MED24: variants seen among roughly 807,000 people sequenced by gnomAD.
The protein encoded by MED24 is mediator complex subunit 24.
Under a neutral mutation model 118.8 loss-of-function variants are expected in MED24, and 74 were observed. That is an observed-to-expected ratio of 0.62 (90% CI 0.52 to 0.76). The LOEUF (loss-of-function observed/expected upper bound fraction) is 0.76, where lower values mean the gene tolerates loss of function less well. Among genes scored for constraint, MED24 ranks in the 30% least tolerant of loss-of-function variants. The pLI, the probability that MED24 is intolerant of heterozygous loss-of-function variation, is 0.00. For synonymous variants in MED24, 521 were observed against 523.9 expected (o/e 0.99, Z 0.08); for missense variants, 1,041 against 1,278.9 (o/e 0.81, Z 2.84).
chr17:40,022,980 A>G, intron 20 of MED24, 151 bp downstream of exon 20: 1 of 1,348,340 alleles, frequency 7.4e-7, no homozygotes, highest in Non-Finnish European at 1.0e-6. Flanking sequence ...CTCTGGCCAG[A>G]GCTCCCCAAG....
intron 19 of MED24, among the ~76,000 whole-genome samples, chr17:40,025,116 T>G (rs554352241): frequency 6.6e-6 from 1 of 152,292 alleles, no homozygotes; most frequent in Middle Eastern, 3.4e-3. Flanking sequence ...GAGGACACCA[T>G]GCTGAGTGAA....
chr17:40,035,388 A>G (rs757399163), intron 5 of MED24, 39 bp from the exon 6 acceptor site: 44 of 1,533,750 alleles, frequency 2.9e-5, no homozygotes, highest in Middle Eastern at 3.5e-4. Context: ...TGTTCTTCCA[A>G]TGGCTGAAAT....
In MED24 at chr17:40,053,537, T is replaced by C; in HGVS notation, c.62A>G (p.Tyr21Cys). 1 of 1,614,218 alleles carries C rather than the reference T, an allele frequency of 6.2e-7. No individual in the cohort carries two copies. Residue 21 changes from tyrosine to cysteine, a missense_variant, in exon 2 of 26, where the codon TAC becomes TGC. By Grantham distance (194) the Tyr-to-Cys change is radical. This residue lies in a region of MED24 where 434 missense variants were observed against 514.9 expected (regional missense o/e 0.84). Coordinates refer to ENST00000394128, the MANE Select transcript of MED24 (RefSeq NM_014815.4). ...TTTCTTCATGTTGATTGCCCATTGG[T>C]AGTCACTCCAGCGCTCCTTCCAGGC... ...LQAWKERWSD[Y>C]QWAINMKKFF...
At chr17:40,038,402 G>A (rs530341979) in intron 3 of MED24, among the ~76,000 whole-genome samples, 51 of 152,116 alleles carry the variant, frequency 3.4e-4, no homozygotes, top group African/African-American at 8.9e-4. Flanking sequence ...AGGAGTGGAA[G>A]CCTCCAAAGA....
chr17:40,032,802 A>G (rs3935280), intron 8 of MED24, 40 bp from the exon 9 acceptor site: 963,847 of 1,555,992 alleles, frequency 0.62, 299,110 homozygotes, highest in South Asian at 0.73. Context: ...GAGGGTGCCC[A>G]TACCCCGTCA....
chr17:40,033,264 G>C lies in MED24; in HGVS notation c.672-58C>G, dbSNP rs1983591306. On this transcript the variant is annotated intron_variant, in intron 7 of 25. Transcript: ENST00000394128. The surrounding 1 kb of genome is among the most constrained non-coding windows in gnomAD (Gnocchi z 5.2). ...GGGGGGCCAAAGGTGAAGGCGGAGA[G>C]GATGGCACGGGTGCCACATCTTCCT... 11 of 1,612,002 alleles carry C rather than the reference G, an allele frequency of 6.8e-6. No individual in the cohort carries two copies. The South Asian group carries it at 1.2e-4, about 18-fold the overall frequency.
intron 18 of MED24, 29 bp from the exon 19 acceptor site, chr17:40,026,360 C>G: frequency 6.2e-7 from 1 of 1,603,578 alleles, no homozygotes; most frequent in Non-Finnish European, 8.5e-7. Flanking sequence ...TGATGGGCTA[C>G]CATCTATCTC....
intron 3 of MED24, among the ~76,000 whole-genome samples, chr17:40,038,755 A>G (rs1165005723): frequency 6.6e-6 from 1 of 151,458 alleles, no homozygotes; most frequent in Non-Finnish European, 1.5e-5. Context: ...CTGCTCAATC[A>G]CCTGGGTTTG....
rs1181806064 is a variant in MED24 at position 40,033,374 on chromosome 17, C to T, written c.642G>A (p.Gln214=). 1 of 1,612,972 alleles carries T rather than the reference C, an allele frequency of 6.2e-7. No individual in the cohort carries two copies. Among genetic ancestry groups the T allele is most frequent in the Admixed American group, 1.7e-5 (1 of 59,860 alleles). The change falls in exon 7 of 26, where the codon CAG becomes CAA. Residue 214 remains glutamine, a synonymous_variant. Coordinates refer to ENST00000394128, the MANE Select transcript of MED24 (RefSeq NM_014815.4). The surrounding 1 kb of genome is among the most constrained non-coding windows in gnomAD (Gnocchi z 5.2). ...ANLSNPQLRS[Q]AEQCGTLIRS... ...TAATGAGGGTGCCACACTGCTCGGC[C>T]TGACTCCGGAGCTGCGGGTTGCTGA... is the stretch of plus-strand genomic sequence containing the variant.
chr17:40,026,073 A>C, intron 19 of MED24, 83 bp downstream of exon 19: 1 of 1,443,718 alleles, frequency 6.9e-7, no homozygotes, highest in Non-Finnish European at 9.5e-7. Flanking sequence ...GAAGGTCAGA[A>C]AAGAGAGGGG....
chr17:40,022,271 C>T, intron 22 of MED24, 123 bp downstream of exon 22: 1 of 1,105,704 alleles, frequency 9.0e-7, no homozygotes. Context: ...ACCAATCATG[C>T]CCAGGCACAG....
Position 40,023,250 on chromosome 17 carries a change from G to A in MED24, c.2131C>T (p.Leu711=). ...LPPKRPIKEV[L]TDIFAKVLEK... is the part of the protein sequence containing the mutation. ...AGCACCTTGGCAAAAATGTCCGTCA[G>A]CACCTCTTTGATGGGCCGCTTGGGG... Residue 711 remains leucine, a synonymous_variant, in exon 20 of 26, where the codon CTG becomes TTG. Transcript: ENST00000394128. The A allele has an allele frequency of 6.2e-7, 1 of 1,614,194 alleles. No individual in the cohort carries two copies. The highest frequency in any genetic ancestry group is 8.5e-7 in the Non-Finnish European group (1 of 1,180,016).
intron 21 of MED24, 50 bp from the exon 22 acceptor site, chr17:40,022,534 CTTTCTG>C: frequency 2.5e-6 from 4 of 1,593,644 alleles, no homozygotes; most frequent in Non-Finnish European, 3.4e-6. Flanking sequence ...GCCCCAGGAG[CTTTCTG>C]TGTCTGACTG....
At chr17:40,032,571 G>T in intron 9 of MED24, 78 bp downstream of exon 9, 1 of 1,167,054 alleles carries the variant, frequency 8.6e-7, no homozygotes, top group East Asian at 2.4e-5. Flanking sequence ...GAGGAACACA[G>T]GGCAAAGGTC....
Position 40,021,962 on chromosome 17 carries a change from C to A in MED24, c.2616G>T (p.Ser872=). The change falls in exon 23 of 26, where the codon TCG becomes TCT. Residue 872 remains serine (S), a synonymous_variant. Coordinates refer to ENST00000394128, the MANE Select transcript of MED24 (RefSeq NM_014815.4). The part of the protein sequence containing the change: ...SSNEDDANIL[S]SPTDRSMSSS... ...GCCAGCCCACACACTCACTGGGGCTCGAAAGGATGTTGGCATCGTCCTCAT... is the reference window on the plus strand; with the variant it reads ...GCCAGCCCACACACTCACTGGGGCTAGAAAGGATGTTGGCATCGTCCTCAT... 1 of 1,600,560 alleles carries A rather than the reference C, an allele frequency of 6.2e-7. No homozygotes were observed. Among genetic ancestry groups the A allele is most frequent in the Non-Finnish European group, 8.5e-7 (1 of 1,173,038 alleles).
intron 3 of MED24, among the ~76,000 whole-genome samples, chr17:40,039,703 G>C (rs954687887): frequency 6.6e-6 from 1 of 151,886 alleles, no homozygotes; most frequent in African/African-American, 2.4e-5. Context: ...GGAGTGCAGT[G>C]GTGCTCCCGG....
At chr17:40,041,702 G>A (rs917823803) in intron 3 of MED24, among the ~76,000 whole-genome samples, 6 of 152,092 alleles carry the variant, frequency 3.9e-5, no homozygotes, top group Non-Finnish European at 7.4e-5. Flanking sequence ...AAACCTAAGC[G>A]TTATCCTTGA....
At chr17:40,032,977 A>C (rs1598349239) in intron 8 of MED24, 79 bp downstream of exon 8, 1 of 1,573,686 alleles carries the variant, frequency 6.4e-7, no homozygotes, top group Non-Finnish European at 8.6e-7. Flanking sequence ...TCTCCCAGGG[A>C]GAACCAGAAG....
intron 19 of MED24, among the ~76,000 whole-genome samples, chr17:40,024,797 G>A (rs1353552061): frequency 2.6e-5 from 4 of 152,046 alleles, no homozygotes; most frequent in Admixed American, 1.3e-4. Context: ...GTGCAGTGGC[G>A]TGATCTCGGC....
Sources: allele counts gnomAD v4.1 joint callset (sites outside exome capture counted in the v4.1 genomes callset), GRCh38; gene constraint gnomAD v4.1.1; regional missense constraint gnomAD v4.1.1; non-coding constraint Gnocchi (gnomAD v3.1); transcripts MANE v1.5; gene names NCBI Gene and HGNC (gene_info 2026-07-23, HGNC 2026-07-21).